The following ACSL3 variants were observed in gnomAD, a reference collection of about 807,000 sequenced individuals.
The protein encoded by ACSL3 is acyl-CoA synthetase long chain family member 3, also known as fatty acid CoA ligase Acsl3.
A neutral mutation model predicts 84.7 loss-of-function variants in ACSL3; 34 were observed. The ratio of observed to expected loss-of-function variants is 0.40; its 90% CI spans 0.31 to 0.53. ACSL3 has a LOEUF of 0.53. Ranked by LOEUF, ACSL3 falls within the 20% of genes least tolerant of loss-of-function variation. ACSL3 has a pLI of 0.48. For missense variants in ACSL3, 680 were observed against 873.1 expected, an observed-to-expected ratio of 0.78 and a Z score of 2.79; for synonymous variants, 315 against 299.4, an observed-to-expected ratio of 1.05 and a Z score of -0.54.
At chr2:222,887,150 A>G (rs1158494112) in intron 1 of ACSL3, among the ~76,000 whole-genome samples, 3 of 152,150 alleles carry the variant, frequency 2.0e-5, no homozygotes, top group African/African-American at 4.8e-5. Flanking sequence ...GCCTTTTCCA[A>G]TATGTCATAT....
chr2:222,885,075 A>T (rs889639358), intron 1 of ACSL3, among the ~76,000 whole-genome samples: 6 of 152,176 alleles, frequency 3.9e-5, no homozygotes, highest in African/African-American at 1.4e-4. Flanking sequence ...TTAGAATGCA[A>T]AGTGTCGGGT....
chr2:222,874,732 G>T (rs1250035698), intron 1 of ACSL3, among the ~76,000 whole-genome samples: 1 of 151,872 alleles, frequency 6.6e-6, no homozygotes, highest in Non-Finnish European at 1.5e-5. Flanking sequence ...TCTTAATCTA[G>T]ACCTGATTTA....
chr2:222,887,338 T>C (rs182658482), intron 1 of ACSL3, among the ~76,000 whole-genome samples: 63 of 152,222 alleles, frequency 4.1e-4, no homozygotes, highest in African/African-American at 1.4e-3. Context: ...TTGAAAGATA[T>C]GTTGATTGCT....
chr2:222,936,166 T>A (rs989739737), intron 16 of ACSL3, among the ~76,000 whole-genome samples: 1 of 152,190 alleles, frequency 6.6e-6, no homozygotes, highest in Non-Finnish European at 1.5e-5. Flanking sequence ...GTTTGGACAT[T>A]TGGGTTGTTT....
At chr2:222,874,690 A>G in intron 1 of ACSL3, among the ~76,000 whole-genome samples, 1 of 152,128 alleles carries the variant, frequency 6.6e-6, no homozygotes, top group East Asian at 1.9e-4. Context: ...AAAAAAAATT[A>G]GCAACCCGAG....
intron 1 of ACSL3, among the ~76,000 whole-genome samples, chr2:222,879,406 T>TC (rs148802077): frequency 0.08 from 12,250 of 152,200 alleles, 570 homozygotes; most frequent in Middle Eastern, 0.13. Flanking sequence ...CATTGCTAAC[T>TC]CCCCCCATAT....
chr2:222,940,794 T>C (rs1188749416), intron 16 of ACSL3, among the ~76,000 whole-genome samples: 1 of 152,204 alleles, frequency 6.6e-6, no homozygotes, highest in Non-Finnish European at 1.5e-5. Context: ...GATGTTCCCA[T>C]GATGGCAAAA....
At chr2:222,874,807 A>C (rs549460188) in intron 1 of ACSL3, among the ~76,000 whole-genome samples, 8 of 152,030 alleles carry the variant, frequency 5.3e-5, no homozygotes, top group Non-Finnish European at 1.0e-4. Flanking sequence ...AAGAATAGAA[A>C]TTTTATAGAT....
intron 2 of ACSL3, among the ~76,000 whole-genome samples, chr2:222,892,108 T>G (rs1447253160): frequency 6.6e-6 from 1 of 152,222 alleles, no homozygotes; most frequent in African/African-American, 2.4e-5. Flanking sequence ...TTGAAATCTT[T>G]GAAGTTGTTG....
In ACSL3 at chr2:222,943,097, A is replaced by AC. The variant is rs377288450; in HGVS notation, c.*1443_*1444insC. 0.042 allele frequency: 3,745 copies of AC among 89,170 alleles called. 11 individuals are homozygous for AC. Among genetic ancestry groups the AC allele is most frequent in the East Asian group, 0.061 (412 of 6,744 alleles). 5.5% of individuals were successfully genotyped at this position (89,170 alleles called of 1,614,324 possible). A position where few individuals can be genotyped will look rare whatever the true frequency, so the allele number is the denominator to read the frequency against. ...AAAAGGCAAAAATCAAAAAAAAAAAAAACAAAAACAAAAAAAAAGATGAAC... is the reference window on the plus strand; with the variant it reads ...AAAAGGCAAAAATCAAAAAAAAAAAACAACAAAAACAAAAAAAAAGATGAAC... On this transcript the variant is annotated 3_prime_UTR_variant, in exon 17 of 17. Coordinates refer to ENST00000357430, the MANE Select transcript of ACSL3 (RefSeq NM_004457.5).
intron 4 of ACSL3, among the ~76,000 whole-genome samples, chr2:222,914,210 G>A (rs1051427647): frequency 4.0e-5 from 6 of 150,182 alleles, no homozygotes; most frequent in Non-Finnish European, 5.9e-5. Context: ...GTAGAGAGAA[G>A]GAAGGGTGGA....
chr2:222,914,505 G>C (rs117996908), intron 4 of ACSL3, among the ~76,000 whole-genome samples: 1 of 152,092 alleles, frequency 6.6e-6, no homozygotes, highest in Non-Finnish European at 1.5e-5. Context: ...CAAATGAGTT[G>C]CCTGTCTCAG....
At chr2:222,869,282 CAT>C (rs1168374664) in intron 1 of ACSL3, among the ~76,000 whole-genome samples, 1 of 152,160 alleles carries the variant, frequency 6.6e-6, no homozygotes, top group South Asian at 2.1e-4. Flanking sequence ...ATTTCTGTAA[CAT>C]AAAGATTTCA....
intron 1 of ACSL3, among the ~76,000 whole-genome samples, chr2:222,864,502 A>G (rs1183085821): frequency 1.3e-5 from 2 of 151,894 alleles, no homozygotes; most frequent in East Asian, 3.8e-4. Context: ...ATGTTCCTGC[A>G]AGGCGATGAG....
intron 7 of ACSL3, chr2:222,921,017 A>T (rs777404934): frequency 1.8e-6 from 1 of 570,592 alleles, no homozygotes; most frequent in South Asian, 1.5e-5. Flanking sequence ...TTCCATCCAA[A>T]TAGCATCTAT....
intron 8 of ACSL3, among the ~76,000 whole-genome samples, chr2:222,922,043 G>A (rs1033444927): frequency 3.3e-5 from 5 of 152,192 alleles, no homozygotes; most frequent in Admixed American, 2.6e-4. Flanking sequence ...TGAACTTGGG[G>A]ATGGAGGAAT....
intron 1 of ACSL3, among the ~76,000 whole-genome samples, chr2:222,866,744 GCCC>G (rs1559273420): frequency 4.4e-5 from 1 of 22,760 alleles, no homozygotes; most frequent in African/African-American, 1.2e-4. Context: ...AAACTGCCCT[GCCC>G]CCCCCGCCCC....
At chr2:222,866,175 T>A (rs1288262713) in intron 1 of ACSL3, among the ~76,000 whole-genome samples, 1 of 152,138 alleles carries the variant, frequency 6.6e-6, no homozygotes, top group East Asian at 1.9e-4. Flanking sequence ...AGACGGAGTC[T>A]CGCTCTGTCC....
At chr2:222,885,472 G>A (rs1308553174) in intron 1 of ACSL3, among the ~76,000 whole-genome samples, 1 of 152,020 alleles carries the variant, frequency 6.6e-6, no homozygotes, top group East Asian at 1.9e-4. Flanking sequence ...ATTTTTAATA[G>A]GTAATAAACA....
Sources: gnomAD v4.1 joint callset for allele counts (sites outside exome capture counted in the v4.1 genomes callset) on GRCh38, gnomAD v4.1.1 for gene constraint, MANE v1.5 for transcripts, NCBI Gene and HGNC (gene_info 2026-07-23, HGNC 2026-07-21) for gene names.